GRID2: variants seen among roughly 807,000 people sequenced by gnomAD.
GRID2 encodes glutamate receptor ionotropic, delta-2.
GRID2 carries 33 observed loss-of-function variants against 114.8 expected under a neutral mutation model. The observed-to-expected ratio is 0.29, with a 90% CI of 0.22 to 0.38. The LOEUF (loss-of-function observed/expected upper bound fraction) is 0.38. GRID2 is among the 10% of genes least tolerant of loss of function. The pLI, the probability that GRID2 is intolerant of heterozygous loss-of-function variation, is 1.00. For synonymous variants in GRID2, 505 were observed against 449.9 expected, an observed-to-expected ratio of 1.12 and a Z score of -1.55; for missense variants, 1,184 against 1,257.7, an observed-to-expected ratio of 0.94 and a Z score of 0.89.
At chr4:93,076,476 T>A (rs1012589112) in intron 2 of GRID2, among the ~76,000 whole-genome samples, 2 of 152,160 alleles carry the variant, frequency 1.3e-5, no homozygotes, top group African/African-American at 2.4e-5. Context: ...GTAAAAAGAA[T>A]TCTCTTATAT....
Position 92,902,698 on chromosome 4 carries a change from C to T in GRID2, c.245-182297C>T, listed in dbSNP as rs538033028. On this transcript the variant is annotated intron_variant, in intron 2 of 15. Transcript: ENST00000282020. ...TGAGATGTAGGGGTCCAGTTTTATC[C>T]TTCTAGACATGGCAGTCCAATATTC... 6.6e-5 allele frequency among the ~76,000 whole-genome samples: 10 copies of T among 152,006 alleles called. No homozygotes were observed. The East Asian group carries it at 1.9e-3, about 29-fold the overall frequency.
chr4:93,532,868 A>G (rs1390557808), intron 13 of GRID2, among the ~76,000 whole-genome samples: 2 of 152,052 alleles, frequency 1.3e-5, no homozygotes, highest in African/African-American at 4.8e-5. Flanking sequence ...CTAACCCTGC[A>G]CTCCTAACAA....
At chr4:93,163,399 T>TATACAC in intron 4 of GRID2, among the ~76,000 whole-genome samples, 1 of 49,152 alleles carries the variant, frequency 2.0e-5, no homozygotes, top group Non-Finnish European at 4.0e-5. Context: ...TATATATATA[T>TATACAC]ACACTATATA....
At chr4:93,745,147 G>A (rs562064595) in intron 14 of GRID2, among the ~76,000 whole-genome samples, 2 of 152,206 alleles carry the variant, frequency 1.3e-5, no homozygotes, top group Non-Finnish European at 1.5e-5. Context: ...TATCTCTGAT[G>A]TATGGCTGTA....
intron 2 of GRID2, among the ~76,000 whole-genome samples, chr4:92,960,836 T>A (rs1358879096): frequency 6.6e-6 from 1 of 151,992 alleles, no homozygotes; most frequent in Non-Finnish European, 1.5e-5. Context: ...TCTTTCCGCA[T>A]TTTATGAATT....
chr4:93,555,011 G>T (rs916777806), intron 13 of GRID2, among the ~76,000 whole-genome samples: 9 of 152,158 alleles, frequency 5.9e-5, no homozygotes, highest in African/African-American at 2.2e-4. Flanking sequence ...AGAGATCGGA[G>T]AACTCCCTCA....
chr4:92,779,639 CTTGTT>C (rs1269444334), intron 2 of GRID2, among the ~76,000 whole-genome samples: 1 of 152,056 alleles, frequency 6.6e-6, no homozygotes, highest in Non-Finnish European at 1.5e-5. Flanking sequence ...CTATGGCATC[CTTGTT>C]TTGAACAGAA....
intron 1 of GRID2, among the ~76,000 whole-genome samples, chr4:92,331,504 T>G (rs900476259): frequency 6.6e-6 from 1 of 152,280 alleles, no homozygotes; most frequent in South Asian, 2.1e-4. Flanking sequence ...AAGCAAATAC[T>G]TGTGAAATAA....
At chr4:92,540,226 A>C (rs1312094742) in intron 1 of GRID2, among the ~76,000 whole-genome samples, 1 of 152,206 alleles carries the variant, frequency 6.6e-6, no homozygotes. Flanking sequence ...CATTCAGGAC[A>C]TAGGCATAGG....
intron 13 of GRID2, among the ~76,000 whole-genome samples, chr4:93,532,861 A>T (rs1167271126): frequency 2.6e-5 from 4 of 152,088 alleles, no homozygotes; most frequent in Admixed American, 6.6e-5. Context: ...TCATTTTCTA[A>T]CCCTGCACTC....
At chr4:92,509,360 TC>T (rs1317014593) in intron 1 of GRID2, among the ~76,000 whole-genome samples, 1 of 151,960 alleles carries the variant, frequency 6.6e-6, no homozygotes. Flanking sequence ...TAAAAAGTGA[TC>T]ATCTCTGGAT....
intron 2 of GRID2, among the ~76,000 whole-genome samples, chr4:92,806,166 G>GACACAC (rs56070810): frequency 0.023 from 3,065 of 133,304 alleles, 54 homozygotes; most frequent in African/African-American, 0.033. Flanking sequence ...ATAGGCTATC[G>GACACAC]ACACACACAC....
chr4:93,107,757 G>A (rs1215886622), intron 3 of GRID2, among the ~76,000 whole-genome samples: 1 of 151,972 alleles, frequency 6.6e-6, no homozygotes, highest in Non-Finnish European at 1.5e-5. Context: ...GCCTCCCAAA[G>A]TGCTGGGGTT....
At chr4:92,830,289 A>G (rs1742012441) in intron 2 of GRID2, among the ~76,000 whole-genome samples, 1 of 151,608 alleles carries the variant, frequency 6.6e-6, no homozygotes, top group Non-Finnish European at 1.5e-5. Flanking sequence ...ACTGGGATTT[A>G]CATTGTTTTT....
intron 2 of GRID2, among the ~76,000 whole-genome samples, chr4:93,034,305 A>C (rs1363120498): frequency 6.6e-6 from 1 of 152,226 alleles, no homozygotes; most frequent in Admixed American, 6.5e-5. Context: ...CAAGGCAGAC[A>C]GTCTGTCATC....
chr4:93,688,847 A>G (rs886697085), intron 14 of GRID2, among the ~76,000 whole-genome samples: 2 of 152,046 alleles, frequency 1.3e-5, no homozygotes, highest in African/African-American at 2.4e-5. Context: ...TAAGTGACCA[A>G]TTTGTAACAC....
chr4:93,189,390 C>T (rs1001117045), intron 4 of GRID2, among the ~76,000 whole-genome samples: 1 of 151,986 alleles, frequency 6.6e-6, no homozygotes, highest in Non-Finnish European at 1.5e-5. Flanking sequence ...TAACCAGATC[C>T]CTCACATTTG....
At chr4:92,422,028 G>A (rs1393028170) in intron 1 of GRID2, among the ~76,000 whole-genome samples, 1 of 152,132 alleles carries the variant, frequency 6.6e-6, no homozygotes, top group Non-Finnish European at 1.5e-5. Context: ...AATGGAGAAT[G>A]ATGCCTTGGA....
intron 2 of GRID2, among the ~76,000 whole-genome samples, chr4:92,719,051 A>G (rs1400719187): frequency 1.3e-5 from 2 of 151,922 alleles, no homozygotes; most frequent in South Asian, 2.1e-4. Flanking sequence ...CAGAGGCACA[A>G]TCTCAGCTCA....
Sources: allele counts gnomAD v4.1 joint callset (sites outside exome capture counted in the v4.1 genomes callset), GRCh38; gene constraint gnomAD v4.1.1; transcripts MANE v1.5; gene names NCBI Gene and HGNC (gene_info 2026-07-23, HGNC 2026-07-21).